The following PCDHGB3 variants were observed in gnomAD, a reference collection of about 807,000 sequenced individuals.
PCDHGB3 encodes the protein protocadherin gamma-B3.
Under a neutral mutation model 59.2 loss-of-function variants are expected in PCDHGB3, and 40 were observed. That is an observed-to-expected ratio of 0.68 (90% CI 0.52 to 0.88). The LOEUF (loss-of-function observed/expected upper bound fraction) is 0.88. Among genes scored for constraint, PCDHGB3 ranks in the 40% least tolerant of loss-of-function variants. The pLI is 0.00. For synonymous variants in PCDHGB3, 581 were observed against 503.6 expected (o/e 1.15, Z -2.06); for missense variants, 1,309 against 1,187.9 (o/e 1.10, Z -1.50).
At position 141,490,960 on chromosome 5, in the gene PCDHGB3, T is replaced by G. The variant is rs1384140919; in HGVS notation, c.2416-3847T>G. 1.9e-6 allele frequency: 3 copies of G among 1,613,794 alleles called. No individual in the cohort carries two copies. In the Admixed American group the frequency reaches 5.0e-5, roughly 27 times the overall value. On this transcript the variant is annotated intron_variant, in intron 1 of 3. Transcript: ENST00000576222. The surrounding 1 kb of genome is among the most constrained non-coding windows in gnomAD (Gnocchi z 5.4). ...GCACCCACGGCCAGACTGGGAACAC[T>G]CAGCCCCCCAGCGTCTCCCTCGCTC...
intron 1 of PCDHGB3, chr5:141,383,589 G>A (rs1199547727): frequency 1.2e-6 from 2 of 1,613,716 alleles, no homozygotes; most frequent in Admixed American, 3.3e-5. Context: ...ACATCCAGGT[G>A]ACAGTGGTGG....
chr5:141,374,769 T>C, intron 1 of PCDHGB3: 1 of 1,613,762 alleles, frequency 6.2e-7, no homozygotes. Context: ...GCCCAAATTC[T>C]GGTAACAGTT....
chr5:141,481,436 T>C (rs775003998), intron 1 of PCDHGB3, among the ~76,000 whole-genome samples: 5 of 152,220 alleles, frequency 3.3e-5, no homozygotes, highest in South Asian at 2.1e-4. Flanking sequence ...ATTGTATCAG[T>C]TTAGTACATG....
intron 1 of PCDHGB3, among the ~76,000 whole-genome samples, chr5:141,472,742 T>C (rs926507203): frequency 2.0e-5 from 3 of 151,762 alleles, no homozygotes; most frequent in Non-Finnish European, 4.4e-5. Flanking sequence ...TCCCAGCACT[T>C]TGGGAGGCGG....
chr5:141,455,860 ATTAT>A (rs145569377), intron 1 of PCDHGB3, among the ~76,000 whole-genome samples: 54,169 of 139,612 alleles, frequency 0.39, 10,686 homozygotes, highest in Admixed American at 0.44. Context: ...AATTTCTTTT[ATTAT>A]TTATTTATTT....
intron 1 of PCDHGB3, chr5:141,421,287 C>T: frequency 1.2e-6 from 2 of 1,613,240 alleles, no homozygotes; most frequent in Non-Finnish European, 1.7e-6. Flanking sequence ...TGTGCATTTT[C>T]CTGGGGACGC....
rs1191643556 is a variant in PCDHGB3 at position 141,486,302 on chromosome 5, C to A, written c.2416-8505C>A. On this transcript the variant is annotated intron_variant, in intron 1 of 3. Transcript: ENST00000576222. The surrounding 1 kb of genome is among the most constrained non-coding windows in gnomAD (Gnocchi z 5.0). ...GGTGGCACTTATCAGTGTGCAGGAT[C>A]CAGACTCAGGGTCAAACGGAGATGT... The A allele has an allele frequency of 6.2e-7, 1 of 1,614,036 alleles. No individual in the cohort carries two copies. The highest frequency in any genetic ancestry group is 8.5e-7 in the Non-Finnish European group (1 of 1,179,994).
chr5:141,470,035 G>A lies in PCDHGB3; in HGVS notation c.2416-24772G>A, dbSNP rs761812438. ...TCCCAGCTACTCGGGATGCTGAGGC[G>A]CGAGAACTGTTTGAACCCCGGAGGC... On this transcript the variant is annotated intron_variant, in intron 1 of 3. Transcript: ENST00000576222. Among the ~76,000 whole-genome samples, 97 of 152,224 alleles carry A rather than the reference G, an allele frequency of 6.4e-4. 2 individuals carry two copies. Among genetic ancestry groups the A allele is most frequent in the East Asian group, 1.2e-3 (6 of 5,170 alleles).
Position 141,505,474 on chromosome 5 carries a change from C to T in PCDHGB3, c.2556C>T (p.Ser852=), listed in dbSNP as rs751690779. The stretch of plus-strand genomic sequence containing the variant: ...TGCTGCAAGCCATGATCTTGGCGTC[C>T]GCCAGTGGTAAGTGGTGTCAGTGTG... ...TEMLQAMILA[S]ASEAADGSST... Residue 852 remains serine, a synonymous_variant, in exon 3 of 4, where the codon TCC becomes TCT. Transcript: ENST00000576222. 2.2e-5 allele frequency: 36 copies of T among 1,614,090 alleles called. No individual in the cohort carries two copies. The highest frequency in any genetic ancestry group is 5.3e-5 in the African/African-American group (4 of 74,934).
chr5:141,474,628 A>C (rs1169097645), intron 1 of PCDHGB3, among the ~76,000 whole-genome samples: 1 of 152,234 alleles, frequency 6.6e-6, no homozygotes, highest in Non-Finnish European at 1.5e-5. Flanking sequence ...TCTCTTCCGG[A>C]AATATCCTAT....
chr5:141,408,656 C>G (rs1367377855), intron 1 of PCDHGB3: 1 of 1,614,030 alleles, frequency 6.2e-7, no homozygotes, highest in South Asian at 1.1e-5. Flanking sequence ...TGGTACACGA[C>G]TATCGCTTGA....
intron 1 of PCDHGB3, chr5:141,400,290 C>G (rs1455484413): frequency 3.1e-6 from 5 of 1,613,972 alleles, no homozygotes; most frequent in Non-Finnish European, 3.4e-6. Context: ...CCGCCTGGAG[C>G]TGCTTCCAAC....
rs768648952 is a variant in PCDHGB3, at chr5:141,477,230, G to T, written c.2416-17577G>T. 14 of 1,614,046 alleles carry T rather than the reference G, an allele frequency of 8.7e-6. No homozygotes were observed. The highest frequency in any genetic ancestry group is 4.0e-5 in the African/African-American group (3 of 74,916). On this transcript the variant is annotated intron_variant, in intron 1 of 3. Transcript: ENST00000576222. The surrounding 1 kb of genome is among the most constrained non-coding windows in gnomAD (Gnocchi z 4.9). Reference sequence around the variant, plus strand: ...GGATGCCCCTCTGGGGACTGTCATCGCTTTGCTCAGTGTGACTGACCTGGA... The same window carrying T: ...GGATGCCCCTCTGGGGACTGTCATCTCTTTGCTCAGTGTGACTGACCTGGA...
At position 141,414,245 on chromosome 5, in the gene PCDHGB3, T is replaced by G. The variant is rs760119941; in HGVS notation, c.2415+41436T>G. On this transcript the variant is annotated intron_variant, in intron 1 of 3. Transcript: ENST00000576222. ...CCAGAGCTGACCATCACGTCTCTAT[T>G]TAGTCCAGTGACTGAAGATTCACCT... 49 of 1,613,380 alleles carry G rather than the reference T, an allele frequency of 3.0e-5. 1 individual carries two copies. The highest frequency in any genetic ancestry group is 1.3e-4 in the South Asian group (12 of 90,978).
intron 1 of PCDHGB3, chr5:141,390,147 G>C: frequency 6.2e-7 from 1 of 1,614,034 alleles, no homozygotes; most frequent in Non-Finnish European, 8.5e-7. Flanking sequence ...TCTATGTGTT[G>C]CACATACAGG....
At chr5:141,457,280 A>G (rs964027392) in intron 1 of PCDHGB3, among the ~76,000 whole-genome samples, 2 of 152,196 alleles carry the variant, frequency 1.3e-5, no homozygotes, top group Admixed American at 1.3e-4. Context: ...TGGGCCTACG[A>G]AGTTCCTTGG....
At chr5:141,413,806 A>G (rs775797735) in intron 1 of PCDHGB3, 1 of 1,613,168 alleles carries the variant, frequency 6.2e-7, no homozygotes, top group Non-Finnish European at 8.5e-7. Context: ...GGAAGAGGCC[A>G]TTCACCACCT....
chr5:141,431,537 C>A lies in PCDHGB3; in HGVS notation c.2415+58728C>A, dbSNP rs2097391571. On this transcript the variant is annotated intron_variant, in intron 1 of 3. Transcript: ENST00000576222. This position sits in a 1 kb window ranked among gnomAD's most constrained non-coding sequence, Gnocchi z 4.8. ...TCCGGAGAATCTGGCCTTGGGCACG[C>A]AGCTGCTTGTAGTCAACGCTACCGA... 6.2e-7 allele frequency: 1 copy of A among 1,614,102 alleles called. No individual in the cohort carries two copies. The highest frequency in any genetic ancestry group is 1.3e-5 in the African/African-American group (1 of 75,072).
intron 1 of PCDHGB3, chr5:141,415,758 T>G (rs200061978): frequency 0.08 from 111,079 of 1,380,048 alleles, 1,979 homozygotes; most frequent in African/African-American, 0.17. Context: ...TTTTTTTTTT[T>G]TTTTTTTTTT....
Sources: allele counts gnomAD v4.1 joint callset (sites outside exome capture counted in the v4.1 genomes callset), GRCh38; gene constraint gnomAD v4.1.1; non-coding constraint Gnocchi (gnomAD v3.1); transcripts MANE v1.5; gene names NCBI Gene and HGNC (gene_info 2026-07-23, HGNC 2026-07-21).